The following TLN2 variants were observed in gnomAD, a reference collection of about 807,000 sequenced individuals.
TLN2 encodes the protein talin-2.
A neutral mutation model predicts 294.7 loss-of-function variants in TLN2; 118 were observed. That is an observed-to-expected ratio of 0.40 (90% CI 0.34 to 0.47). The LOEUF (loss-of-function observed/expected upper bound fraction) is 0.47. Ranked by LOEUF, TLN2 falls within the 20% of genes least tolerant of loss-of-function variation. The probability of loss-of-function intolerance (pLI) is 0.84; values close to 1 mark genes in which losing one functional copy is unlikely to be tolerated. For missense variants in TLN2, 3,083 were observed against 3,282.2 expected (o/e 0.94, Z 1.48); for synonymous variants, 1,431 against 1,304.5 (o/e 1.10, Z -2.09).
At chr15:62,654,130 G>C (rs543836684) in intron 7 of TLN2, among the ~76,000 whole-genome samples, 1 of 152,176 alleles carries the variant, frequency 6.6e-6, no homozygotes, top group African/African-American at 2.4e-5. Flanking sequence ...ATTAATTGTG[G>C]TCACCACTCA....
At chr15:62,716,302 A>G (rs2059769964) in intron 22 of TLN2, 29 bp from the exon 23 acceptor site, 12 of 1,558,612 alleles carry the variant, frequency 7.7e-6, no homozygotes, top group Non-Finnish European at 1.0e-5. Context: ...CTGCTGGACC[A>G]CTTGAAATCT....
At chr15:62,691,509 C>T (rs1331595077) in intron 12 of TLN2, among the ~76,000 whole-genome samples, 1 of 152,100 alleles carries the variant, frequency 6.6e-6, no homozygotes, top group African/African-American at 2.4e-5. Flanking sequence ...AGAGAATTTG[C>T]AATTTATTGG....
chr15:62,478,893 C>T (rs993019142), intron 1 of TLN2, among the ~76,000 whole-genome samples: 14 of 152,234 alleles, frequency 9.2e-5, no homozygotes, highest in African/African-American at 3.1e-4. Flanking sequence ...GGCCAAGCCA[C>T]CCACCAAATG....
chr15:62,400,811 G>A (rs1433279880), intron 1 of TLN2, among the ~76,000 whole-genome samples: 3 of 140,022 alleles, frequency 2.1e-5, no homozygotes, highest in African/African-American at 5.3e-5. Flanking sequence ...TTATGTTTCC[G>A]GTTTTTTTTT....
At chr15:62,823,958 G>A (rs1400697178) in intron 54 of TLN2, 2 of 529,424 alleles carry the variant, frequency 3.8e-6, no homozygotes, top group Non-Finnish European at 7.8e-6. Context: ...TGCCTTTTCT[G>A]CAGGCCTCTG....
intron 2 of TLN2, among the ~76,000 whole-genome samples, chr15:62,598,285 C>T (rs1247729734): frequency 6.6e-6 from 1 of 152,136 alleles, no homozygotes; most frequent in Non-Finnish European, 1.5e-5. Flanking sequence ...TGGTGGTCGG[C>T]TGTGTTTTAT....
At chr15:62,798,750 G>C (rs955416900) in intron 48 of TLN2, among the ~76,000 whole-genome samples, 1 of 152,176 alleles carries the variant, frequency 6.6e-6, no homozygotes, top group Admixed American at 6.5e-5. Context: ...GTTCCCTCAC[G>C]GCATGACACT....
At chr15:62,574,209 G>C (rs60240067) in intron 1 of TLN2, among the ~76,000 whole-genome samples, 1 of 151,696 alleles carries the variant, frequency 6.6e-6, no homozygotes, top group African/African-American at 2.4e-5. Context: ...TTTGTGCATA[G>C]CTGATGCTTA....
intron 1 of TLN2, among the ~76,000 whole-genome samples, chr15:62,438,342 A>G (rs928554613): frequency 2.0e-5 from 3 of 152,200 alleles, no homozygotes; most frequent in African/African-American, 4.8e-5. Flanking sequence ...TATCCTTGTT[A>G]AGTTGAAGAC....
At chr15:62,507,497 C>G (rs1239488070) in intron 1 of TLN2, among the ~76,000 whole-genome samples, 1 of 152,212 alleles carries the variant, frequency 6.6e-6, no homozygotes, top group Non-Finnish European at 1.5e-5. Context: ...AATTGCTATT[C>G]TGTGGAAATT....
intron 3 of TLN2, among the ~76,000 whole-genome samples, chr15:62,619,956 G>A (rs1389259387): frequency 1.3e-5 from 2 of 152,028 alleles, no homozygotes; most frequent in African/African-American, 4.8e-5. Flanking sequence ...TCAGCTTTAG[G>A]TATCCTCAGT....
At position 62,479,782 on chromosome 15, in the gene TLN2, G is replaced by A. The variant is rs188331709; in HGVS notation, c.-238+89097G>A. On this transcript the variant is annotated intron_variant, in intron 1 of 58. Transcript: ENST00000636159. Reference sequence around the variant, plus strand: ...ATTACAGGTGTGAGCCACCATGCCCGGCCTTCTTTGTCTTTAGACAGTGAG... The same window carrying A: ...ATTACAGGTGTGAGCCACCATGCCCAGCCTTCTTTGTCTTTAGACAGTGAG... Among the ~76,000 whole-genome samples the A allele has an allele frequency of 8.4e-3, 1,285 of 152,312 alleles. 18 individuals carry two copies. Among genetic ancestry groups the A allele is most frequent in the African/African-American group, 0.029 (1,225 of 41,584 alleles).
At chr15:62,702,439 A>G (rs2058773468) in intron 18 of TLN2, among the ~76,000 whole-genome samples, 1 of 152,208 alleles carries the variant, frequency 6.6e-6, no homozygotes, top group East Asian at 1.9e-4. Flanking sequence ...AGCTACAGGA[A>G]CTTAACACAC....
chr15:62,722,534 G>C lies in TLN2; in HGVS notation c.3126+47G>C, dbSNP rs776708823. The C allele has an allele frequency of 2.5e-6, 4 of 1,571,468 alleles. No homozygotes were observed. The Admixed American group carries it at 6.9e-5, about 27-fold the overall frequency. ...GGTTAACTTGTCAGGAAGGGAGCTGGGGTGGCATGGGTACCACCCAGGGCC... is the reference window on the plus strand; with the variant it reads ...GGTTAACTTGTCAGGAAGGGAGCTGCGGTGGCATGGGTACCACCCAGGGCC... On this transcript the variant is annotated intron_variant, in intron 26 of 58. Coordinates refer to ENST00000636159, the MANE Select transcript of TLN2 (RefSeq NM_015059.3).
At chr15:62,833,829 C>T in intron 55 of TLN2, 200 bp downstream of exon 55, 1 of 605,942 alleles carries the variant, frequency 1.7e-6, no homozygotes, top group Admixed American at 3.7e-5. Context: ...TTCTGGGCCT[C>T]TCATCTGCTT....
At chr15:62,669,817 A>T (rs1257811303) in intron 9 of TLN2, among the ~76,000 whole-genome samples, 1 of 152,116 alleles carries the variant, frequency 6.6e-6, no homozygotes, top group African/African-American at 2.4e-5. Flanking sequence ...CTGACATGGC[A>T]CCCACACACG....
chr15:62,819,307 C>T (rs2067362890), intron 52 of TLN2, among the ~76,000 whole-genome samples: 1 of 152,112 alleles, frequency 6.6e-6, no homozygotes, highest in Admixed American at 6.5e-5. Context: ...TTAGAGGCAC[C>T]ACTGGTTCCC....
chr15:62,752,291 C>T lies in TLN2; in HGVS notation c.4210-14C>T, dbSNP rs187635675. 207 of 1,613,422 alleles carry T rather than the reference C, an allele frequency of 1.3e-4. No individual in the cohort carries two copies. The African/African-American group carries it at 1.5e-3, about 12-fold the overall frequency. On this transcript the variant is annotated splice_polypyrimidine_tract_variant and intron_variant, in intron 34 of 58. Transcript: ENST00000636159. ...ATGCTGGATAGAGAATGTTGCTGGCCGTTTGTTTTGCAGGTTCTGGGTGAA... is the reference window on the plus strand; with the variant it reads ...ATGCTGGATAGAGAATGTTGCTGGCTGTTTGTTTTGCAGGTTCTGGGTGAA...
At chr15:62,460,092 G>A (rs555583425) in intron 1 of TLN2, among the ~76,000 whole-genome samples, 36 of 152,268 alleles carry the variant, frequency 2.4e-4, no homozygotes, top group South Asian at 6.2e-4. Context: ...GGCAGTGACA[G>A]TCCTACCACC....
Sources: gnomAD v4.1 joint callset for allele counts (sites outside exome capture counted in the v4.1 genomes callset) on GRCh38, gnomAD v4.1.1 for gene constraint, MANE v1.5 for transcripts, NCBI Gene and HGNC (gene_info 2026-07-23, HGNC 2026-07-21) for gene names.